Variants in ZBTB20 observed in about 807,000 individuals in gnomAD.
ZBTB20 encodes the protein zinc finger and BTB domain containing 20.
A neutral mutation model predicts 56.9 loss-of-function variants in ZBTB20; 9 were observed. The observed-to-expected ratio is 0.16, with a 90% CI of 0.10 to 0.28. ZBTB20 has a LOEUF of 0.28. ZBTB20 is among the 10% of genes least tolerant of loss of function. ZBTB20 has a pLI of 1.00. For missense variants in ZBTB20, 655 were observed against 1,003.0 expected, an observed-to-expected ratio of 0.65 and a Z score of 4.69; for synonymous variants, 417 against 420.7, an observed-to-expected ratio of 0.99 and a Z score of 0.11.
In ZBTB20 at chr3:115,051,615, G is replaced by A. The variant is rs1410015397; in HGVS notation, c.-507+19604C>T. ...AAATAGTTTGTTTTCCTAAATTGGC[G>A]AGAAATCATTCTAGAAATGCTGGCC... On this transcript the variant is annotated intron_variant, in intron 2 of 11. Transcript: ENST00000675478. 3.9e-5 allele frequency among the ~76,000 whole-genome samples: 6 copies of A among 152,232 alleles called. No individual in the cohort carries two copies. The East Asian group carries it at 7.7e-4, about 20-fold the overall frequency.
chr3:114,678,542 C>T (rs1170120752), intron 6 of ZBTB20, among the ~76,000 whole-genome samples: 1 of 152,094 alleles, frequency 6.6e-6, no homozygotes, highest in East Asian at 1.9e-4. Context: ...AAGTGAGTAA[C>T]TTCAAAGTCA....
intron 7 of ZBTB20, among the ~76,000 whole-genome samples, chr3:114,448,256 A>G (rs961610581): frequency 1.5e-4 from 23 of 152,268 alleles, no homozygotes; most frequent in Non-Finnish European, 2.5e-4. Context: ...GCAAGCCAAA[A>G]AAGTCACAAA....
In ZBTB20 at chr3:114,339,125, G is replaced by C. The variant is rs571923112; in HGVS notation, c.2106C>G (p.Gly702=). Reference sequence around the variant, plus strand: ...CCGTGCAGGCCACCACGCCTGGGGGGCCAGCGCGGGCACCTGGGGGTGTGC... The same window carrying C: ...CCGTGCAGGCCACCACGCCTGGGGGCCCAGCGCGGGCACCTGGGGGTGTGC... ...PAGTPPGARA[G]PPGVVACTEG... is the part of the protein sequence containing the mutation. Residue 702 remains glycine (G), a synonymous_variant, in exon 12 of 12, where the codon GGC becomes GGG. Transcript: ENST00000675478. The surrounding 1 kb of genome is among the most constrained non-coding windows in gnomAD (Gnocchi z 4.2). The C allele has an allele frequency of 5.0e-6, 8 of 1,611,114 alleles. No individual in the cohort carries two copies. In the South Asian group the frequency reaches 7.7e-5, roughly 16 times the overall value.
intron 10 of ZBTB20, among the ~76,000 whole-genome samples, chr3:114,359,081 TTC>T (rs1329324410): frequency 6.7e-4 from 3 of 4,498 alleles, no homozygotes; most frequent in African/African-American, 1.2e-3. Context: ...CTACTCTGAT[TTC>T]TTTTTTTTTG....
chr3:114,338,878 CA>C lies in ZBTB20; in HGVS notation c.*126del. 3 of 1,201,048 alleles carry C rather than the reference CA, an allele frequency of 2.5e-6. No homozygotes were observed. The highest frequency in any genetic ancestry group is 3.4e-6 in the Non-Finnish European group (3 of 890,084). 74.4% of individuals were successfully genotyped at this position (1,201,048 alleles called of 1,614,324 possible). A position where few individuals can be genotyped will look rare whatever the true frequency, so the allele number is the denominator to read the frequency against. ...TCATGTAGTACAAAATGAAACGAAA[CA>C]AAAACAAAAACAGAAAGTAAAAATG... On this transcript the variant is annotated 3_prime_UTR_variant, in exon 12 of 12. Coordinates refer to ENST00000675478, the MANE Select transcript of ZBTB20 (RefSeq NM_001348800.3).
chr3:114,811,777 T>C (rs1408775615), intron 4 of ZBTB20, among the ~76,000 whole-genome samples: 1 of 131,582 alleles, frequency 7.6e-6, no homozygotes, highest in Non-Finnish European at 1.7e-5. Context: ...AACAAAATCC[T>C]GAAACATCAC....
At chr3:114,982,765 CTCG>C (rs1348996422) in intron 2 of ZBTB20, among the ~76,000 whole-genome samples, 2 of 152,006 alleles carry the variant, frequency 1.3e-5, no homozygotes, top group Non-Finnish European at 2.9e-5. Context: ...CACCCAGTAA[CTCG>C]TCATTTTTTA....
chr3:114,399,911 C>A (rs1008112200), intron 7 of ZBTB20, among the ~76,000 whole-genome samples: 5 of 152,004 alleles, frequency 3.3e-5, no homozygotes, highest in African/African-American at 1.2e-4. Context: ...GTGGTACTTT[C>A]ATGAACACTC....
chr3:115,053,674 C>T (rs538312920), intron 2 of ZBTB20, among the ~76,000 whole-genome samples: 4 of 152,198 alleles, frequency 2.6e-5, no homozygotes, highest in South Asian at 2.1e-4. Flanking sequence ...CATTAGAATA[C>T]ATATTCTTTC....
intron 1 of ZBTB20, among the ~76,000 whole-genome samples, chr3:115,102,400 G>A (rs1207847487): frequency 6.6e-6 from 1 of 151,744 alleles, no homozygotes; most frequent in African/African-American, 2.4e-5. Context: ...TTGTTTCTCC[G>A]AAGCTTTATT....
chr3:114,863,938 A>G (rs1182157779), intron 4 of ZBTB20, among the ~76,000 whole-genome samples: 1 of 152,124 alleles, frequency 6.6e-6, no homozygotes, highest in African/African-American at 2.4e-5. Flanking sequence ...TTCTTCCTCT[A>G]AAAATGAAAC....
intron 6 of ZBTB20, among the ~76,000 whole-genome samples, chr3:114,611,790 C>T (rs1187901497): frequency 6.6e-6 from 1 of 152,020 alleles, no homozygotes; most frequent in African/African-American, 2.4e-5. Context: ...CTGACTAATC[C>T]CAACCCTCTC....
chr3:115,064,958 A>C (rs974011039), intron 2 of ZBTB20, among the ~76,000 whole-genome samples: 3 of 152,192 alleles, frequency 2.0e-5, no homozygotes, highest in Non-Finnish European at 4.4e-5. Context: ...GGGCACTCAG[A>C]AGATCCTTCC....
intron 1 of ZBTB20, among the ~76,000 whole-genome samples, chr3:115,139,401 T>C (rs916897758): frequency 1.1e-4 from 17 of 152,056 alleles, no homozygotes; most frequent in African/African-American, 3.1e-4. Flanking sequence ...ATATAGAAAT[T>C]GTATATAGTT....
intron 5 of ZBTB20, among the ~76,000 whole-genome samples, chr3:114,751,553 CTCTT>C (rs773625242): frequency 2.1e-4 from 32 of 152,150 alleles, no homozygotes; most frequent in Non-Finnish European, 4.4e-4. Flanking sequence ...CCATTAGAAT[CTCTT>C]CCTTCCTGAA....
At chr3:115,019,421 C>T (rs2080114271) in intron 2 of ZBTB20, among the ~76,000 whole-genome samples, 1 of 151,136 alleles carries the variant, frequency 6.6e-6, no homozygotes, top group African/African-American at 2.4e-5. Flanking sequence ...GCAGGGCTCC[C>T]TGAAGAATTT....
intron 7 of ZBTB20, among the ~76,000 whole-genome samples, chr3:114,429,519 G>A (rs1349348030): frequency 6.6e-6 from 1 of 152,068 alleles, no homozygotes; most frequent in Non-Finnish European, 1.5e-5. Context: ...AGCTCTCTAG[G>A]CATTGCTGCT....
At chr3:114,549,571 AAC>A (rs1351473474) in intron 6 of ZBTB20, among the ~76,000 whole-genome samples, 1 of 152,164 alleles carries the variant, frequency 6.6e-6, no homozygotes, top group Non-Finnish European at 1.5e-5. Flanking sequence ...ATTTGGCTTT[AAC>A]ACAGCAATTT....
chr3:114,653,758 T>C (rs1017715779), intron 6 of ZBTB20, among the ~76,000 whole-genome samples: 2 of 150,138 alleles, frequency 1.3e-5, no homozygotes, highest in African/African-American at 5.0e-5. Flanking sequence ...CCTGAAGTTC[T>C]TTTTTTAGGA....
Sources: allele counts gnomAD v4.1 joint callset (sites outside exome capture counted in the v4.1 genomes callset), GRCh38; gene constraint gnomAD v4.1.1; non-coding constraint Gnocchi (gnomAD v3.1); transcripts MANE v1.5; gene names NCBI Gene and HGNC (gene_info 2026-07-23, HGNC 2026-07-21).